Variants in COMMD10 observed in about 807,000 individuals in gnomAD.
COMMD10 encodes COMM domain-containing protein 10.
Under a neutral mutation model 28.9 loss-of-function variants are expected in COMMD10, and 33 were observed. That is an observed-to-expected ratio of 1.14 (90% CI 0.87 to 1.53). COMMD10 has a LOEUF of 1.53. Ranked by LOEUF, COMMD10 falls within the 40% of genes most tolerant of loss-of-function variation. COMMD10 has a pLI of 0.00. For missense variants in COMMD10, 310 were observed against 233.4 expected (o/e 1.33, Z -2.14); for synonymous variants, 110 against 81.7 (o/e 1.35, Z -1.87).
At chr5:116,107,188 G>A (rs566249923) in intron 4 of COMMD10, among the ~76,000 whole-genome samples, 1 of 152,006 alleles carries the variant, frequency 6.6e-6, no homozygotes, top group Non-Finnish European at 1.5e-5. Flanking sequence ...TATCTTTGCG[G>A]TGTTCCCTCT....
At position 116,134,120 on chromosome 5, in the gene COMMD10, C is replaced by T. The variant is rs762191409; in HGVS notation, c.452C>T (p.Ala151Val). ...CTTCAGATGGCTCACTCTGCTCAAG[C>T]AAAACTAAAATCTCCTCAAGCTGTG... is the stretch of plus-strand genomic sequence containing the variant. ...LNLQMAHSAQAKLKSPQAVLQ... is the reference protein window; with the variant it reads ...LNLQMAHSAQVKLKSPQAVLQ... Residue 151 changes from alanine to valine, a missense_variant, in exon 5 of 7, where the codon GCA (alanine) becomes GTA (valine). Ala to Val is a moderately conservative substitution (Grantham distance 64). Coordinates refer to ENST00000274458, the MANE Select transcript of COMMD10 (RefSeq NM_016144.4). The T allele has an allele frequency of 6.8e-6, 11 of 1,612,848 alleles. 1 individual carries two copies. The South Asian group carries it at 1.1e-4, about 16-fold the overall frequency.
chr5:116,175,135 A>G (rs745628894), intron 5 of COMMD10, among the ~76,000 whole-genome samples: 2 of 151,966 alleles, frequency 1.3e-5, no homozygotes, highest in African/African-American at 2.4e-5. Flanking sequence ...ACACTCCCGC[A>G]TTACTTTCTA....
intron 4 of COMMD10, among the ~76,000 whole-genome samples, chr5:116,115,380 C>G (rs772387764): frequency 5.3e-5 from 8 of 152,148 alleles, no homozygotes; most frequent in Admixed American, 1.3e-4. Flanking sequence ...GTTGTCCTCT[C>G]TTTTTGGAGT....
At chr5:116,243,965 A>G (rs539108358) in intron 5 of COMMD10, among the ~76,000 whole-genome samples, 3 of 152,202 alleles carry the variant, frequency 2.0e-5, no homozygotes, top group Non-Finnish European at 2.9e-5. Context: ...CATTGAGTCA[A>G]TGGAAAGCCG....
At chr5:116,098,299 A>G (rs944303818) in intron 4 of COMMD10, among the ~76,000 whole-genome samples, 2 of 152,158 alleles carry the variant, frequency 1.3e-5, no homozygotes, top group African/African-American at 4.8e-5. Flanking sequence ...TATATGATGA[A>G]AAAAGGTGTA....
At chr5:116,247,063 A>C (rs1434718048) in intron 5 of COMMD10, among the ~76,000 whole-genome samples, 1 of 152,220 alleles carries the variant, frequency 6.6e-6, no homozygotes, top group Admixed American at 6.6e-5. Flanking sequence ...AAATCTTTGC[A>C]AACTTTGCAT....
At chr5:116,189,461 CT>C (rs747895859) in intron 5 of COMMD10, among the ~76,000 whole-genome samples, 15 of 152,224 alleles carry the variant, frequency 9.9e-5, no homozygotes, top group Non-Finnish European at 2.2e-4. Context: ...TTCTGGCTTC[CT>C]AACCTTCTTT....
In COMMD10 at chr5:116,250,631, T is replaced by C. The variant is rs962647647; in HGVS notation, c.511-40886T>C. Among the ~76,000 whole-genome samples, 17 of 151,720 alleles carry C rather than the reference T, an allele frequency of 1.1e-4. 1 individual carries two copies. In the Admixed American group the frequency reaches 1.1e-3, roughly 10 times the overall value. On this transcript the variant is annotated intron_variant, in intron 5 of 6. Coordinates refer to ENST00000274458, the MANE Select transcript of COMMD10 (RefSeq NM_016144.4). ...GAGAGACTTACTAGCACTTGGTATG[T>C]TTTCAAGAAATTACTAGGAGAAGGA... is the stretch of plus-strand genomic sequence containing the variant.
intron 5 of COMMD10, among the ~76,000 whole-genome samples, chr5:116,202,642 A>T (rs1414996109): frequency 6.6e-6 from 1 of 151,700 alleles, no homozygotes; most frequent in African/African-American, 2.4e-5. Flanking sequence ...GCCAGTGATG[A>T]TGAGCATTTT....
chr5:116,200,976 T>G (rs918077223), intron 5 of COMMD10, among the ~76,000 whole-genome samples: 3 of 152,104 alleles, frequency 2.0e-5, no homozygotes, highest in African/African-American at 7.3e-5. Flanking sequence ...TGTCCTATGA[T>G]TAGGTATCAC....
intron 4 of COMMD10, among the ~76,000 whole-genome samples, chr5:116,108,794 T>A (rs1317637923): frequency 2.6e-5 from 4 of 152,038 alleles, no homozygotes; most frequent in African/African-American, 9.7e-5. Flanking sequence ...GCCACCCAGT[T>A]TTATGCTTGA....
At chr5:116,096,685 A>C (rs570062122) in intron 4 of COMMD10, among the ~76,000 whole-genome samples, 2 of 152,076 alleles carry the variant, frequency 1.3e-5, no homozygotes, top group African/African-American at 4.8e-5. Context: ...GAAAGCATTC[A>C]GGCTCTTATC....
In COMMD10 at chr5:116,126,208, A is replaced by C. The variant is rs1206089354; in HGVS notation, c.400-7860A>C. Among the ~76,000 whole-genome samples, 5 of 152,176 alleles carry C rather than the reference A, an allele frequency of 3.3e-5. No individual in the cohort carries two copies. The East Asian group carries it at 9.6e-4, about 29-fold the overall frequency. On this transcript the variant is annotated intron_variant, in intron 4 of 6. Coordinates refer to ENST00000274458, the MANE Select transcript of COMMD10 (RefSeq NM_016144.4). Reference sequence around the variant, plus strand: ...AAGAGAATAAAATACCTAGGAATCCAGCTTACAAGGGATGTGAAGGACCTC... The same window carrying C: ...AAGAGAATAAAATACCTAGGAATCCCGCTTACAAGGGATGTGAAGGACCTC...
chr5:116,256,674 A>T (rs558105696), intron 5 of COMMD10, among the ~76,000 whole-genome samples: 5 of 151,864 alleles, frequency 3.3e-5, no homozygotes, highest in Admixed American at 1.3e-4. Context: ...ACGTAATGAG[A>T]TATGTTGGGA....
intron 5 of COMMD10, among the ~76,000 whole-genome samples, chr5:116,277,387 G>C (rs999880656): frequency 6.6e-6 from 1 of 151,830 alleles, no homozygotes; most frequent in African/African-American, 2.4e-5. Context: ...ATGGAAAAAT[G>C]AACTCCAGTT....
intron 5 of COMMD10, chr5:116,218,210 G>A: frequency 1.3e-6 from 1 of 767,246 alleles, no homozygotes; most frequent in Non-Finnish European, 2.4e-6. Context: ...AGGTTTAGCG[G>A]ACAACCTTGC....
intron 5 of COMMD10, among the ~76,000 whole-genome samples, chr5:116,175,005 G>C (rs1753456083): frequency 6.6e-6 from 1 of 152,006 alleles, no homozygotes. Context: ...AAGAGATGTG[G>C]AGAACCAGTT....
intron 5 of COMMD10, among the ~76,000 whole-genome samples, chr5:116,173,958 C>A (rs1753421391): frequency 6.6e-6 from 1 of 151,156 alleles, no homozygotes; most frequent in Non-Finnish European, 1.5e-5. Context: ...CCATATACTT[C>A]CAGGTATTGA....
intron 5 of COMMD10, among the ~76,000 whole-genome samples, chr5:116,139,847 T>C (rs1471149964): frequency 6.6e-6 from 1 of 151,706 alleles, no homozygotes; most frequent in African/African-American, 2.4e-5. Flanking sequence ...ATTAAGAAAA[T>C]TAACCCACCC....
Sources: gnomAD v4.1 joint callset for allele counts (sites outside exome capture counted in the v4.1 genomes callset) on GRCh38, gnomAD v4.1.1 for gene constraint, MANE v1.5 for transcripts, NCBI Gene and HGNC (gene_info 2026-07-23, HGNC 2026-07-21) for gene names.